TP73: variants seen among roughly 807,000 people sequenced by gnomAD.
TP73 encodes p53-like transcription factor.
Under a neutral mutation model 62.5 loss-of-function variants are expected in TP73, and 25 were observed. The observed-to-expected ratio is 0.40, with a 90% CI of 0.29 to 0.56. TP73 has a LOEUF of 0.56. Among genes scored for constraint, TP73 ranks in the 20% least tolerant of loss-of-function variants. The probability of loss-of-function intolerance (pLI) is 0.46; values close to 1 mark genes in which losing one functional copy is unlikely to be tolerated. For missense variants in TP73, 754 were observed against 913.3 expected, an observed-to-expected ratio of 0.83 and a Z score of 2.25; for synonymous variants, 423 against 377.5, an observed-to-expected ratio of 1.12 and a Z score of -1.40.
intron 3 of TP73, among the ~76,000 whole-genome samples, chr1:3,684,663 A>G (rs1645608285): frequency 6.6e-6 from 1 of 151,996 alleles, no homozygotes; most frequent in South Asian, 2.1e-4. Context: ...GGGGCCAGAG[A>G]AGGCACCTCC....
rs1048556739 is a variant in TP73, at chr1:3,735,864, G to T, written c.*2785G>T. The T allele has an allele frequency of 6.6e-6, 1 of 152,196 alleles. No homozygotes were observed. Among genetic ancestry groups the T allele is most frequent in the African/African-American group, 2.4e-5 (1 of 41,440 alleles). The allele number at this position is 152,196 out of a possible 1,614,324, so 9.4% of individuals were successfully genotyped here. A position where few individuals can be genotyped will look rare whatever the true frequency, so the allele number is the denominator to read the frequency against. ...CCCCATTCCCCCAGCGTTCCCACCA[G>T]GCCTGGGCTGCTGGGAAGCCCTTGC... On this transcript the variant is annotated 3_prime_UTR_variant, in exon 14 of 14. Coordinates refer to ENST00000378295, the MANE Select transcript of TP73 (RefSeq NM_005427.4).
intron 1 of TP73, among the ~76,000 whole-genome samples, chr1:3,669,322 C>T (rs572849478): frequency 6.6e-6 from 1 of 152,312 alleles, no homozygotes; most frequent in South Asian, 2.1e-4. Context: ...ACTGTTCAGG[C>T]CAGGGTGGGG....
At chr1:3,703,677 C>A (rs551259225) in intron 3 of TP73, among the ~76,000 whole-genome samples, 1 of 152,256 alleles carries the variant, frequency 6.6e-6, no homozygotes, top group South Asian at 2.1e-4. Context: ...CCTGCTTCTC[C>A]CAAACAAGGG....
At chr1:3,698,834 A>G (rs1638901770) in intron 3 of TP73, among the ~76,000 whole-genome samples, 1 of 152,318 alleles carries the variant, frequency 6.6e-6, no homozygotes, top group African/African-American at 2.4e-5. Context: ...GGCGCTAAGC[A>G]CAGAGTGGGT....
chr1:3,656,109 G>C (rs1644859710), intron 1 of TP73, among the ~76,000 whole-genome samples: 1 of 151,670 alleles, frequency 6.6e-6, no homozygotes. Flanking sequence ...CCGGAAGGCG[G>C]AGCTTGCAGT....
intron 4 of TP73, among the ~76,000 whole-genome samples, chr1:3,719,255 G>T (rs890013672): frequency 6.6e-6 from 1 of 152,134 alleles, no homozygotes; most frequent in Non-Finnish European, 1.5e-5. Flanking sequence ...GGAGAGACGA[G>T]GGGGACAGAG....
At chr1:3,679,245 G>A (rs1176051491) in intron 1 of TP73, among the ~76,000 whole-genome samples, 1 of 152,172 alleles carries the variant, frequency 6.6e-6, no homozygotes, top group East Asian at 1.9e-4. Flanking sequence ...TGAAAATACA[G>A]CCAACGCCCA....
chr1:3,729,274 C>A (rs1557587395), intron 9 of TP73, 53 bp from the exon 10 acceptor site: 2 of 1,609,296 alleles, frequency 1.2e-6, no homozygotes, highest in African/African-American at 1.3e-5. Flanking sequence ...CGGCCACCCC[C>A]CTCCCGTGGG....
At chr1:3,683,602 T>C (rs533593142) in intron 3 of TP73, among the ~76,000 whole-genome samples, 1 of 152,348 alleles carries the variant, frequency 6.6e-6, no homozygotes, top group Admixed American at 6.5e-5. Context: ...TCTCTTGGTC[T>C]GCTTTCCCCT....
At chr1:3,703,648 C>T (rs958815961) in intron 3 of TP73, among the ~76,000 whole-genome samples, 1 of 152,250 alleles carries the variant, frequency 6.6e-6, no homozygotes, top group Admixed American at 6.5e-5. Context: ...ATATGAAACA[C>T]GTTGTCGTGG....
At position 3,682,242 on chromosome 1, in the gene TP73, C is replaced by A. The variant is rs981163960; in HGVS notation, c.-33-91C>A. Reference sequence around the variant, plus strand: ...CTGCTCCAGGGATGCCCCAGGCAGGCCCACTTGCCTGCCGCCCCCACCGAG... The same window carrying A: ...CTGCTCCAGGGATGCCCCAGGCAGGACCACTTGCCTGCCGCCCCCACCGAG... On this transcript the variant is annotated intron_variant, in intron 1 of 13. Transcript: ENST00000378295. 1.2e-5 allele frequency: 12 copies of A among 991,968 alleles called. No individual in the cohort carries two copies. The African/African-American group carries it at 1.9e-4, about 15-fold the overall frequency. 61.4% of individuals were successfully genotyped at this position (991,968 alleles called of 1,614,324 possible). A position where few individuals can be genotyped will look rare whatever the true frequency, so the allele number is the denominator to read the frequency against.
rs1642302272 is a variant in TP73 at position 3,733,725 on chromosome 1, G to A, written c.*646G>A. The A allele has an allele frequency of 6.5e-6, 1 of 152,750 alleles. No homozygotes were observed. The highest frequency in any genetic ancestry group is 2.4e-5 in the African/African-American group (1 of 41,434). 9.5% of individuals were successfully genotyped at this position (152,750 alleles called of 1,614,324 possible). On this transcript the variant is annotated 3_prime_UTR_variant, in exon 14 of 14. Coordinates refer to ENST00000378295, the MANE Select transcript of TP73 (RefSeq NM_005427.4). ...CAACAACCACAGTGTTGCTGAAATT[G>A]GAGAAAACTGGGGAGGGCGCAACCC... is the stretch of plus-strand genomic sequence containing the variant.
In TP73 at chr1:3,732,845, G is replaced by A. The variant is rs376255652; in HGVS notation, c.1677G>A (p.Gln559=). Residue 559 remains glutamine, a synonymous_variant, in exon 14 of 14, where the codon CAG becomes CAA. Coordinates refer to ENST00000378295, the MANE Select transcript of TP73 (RefSeq NM_005427.4). ...KQGHDYSTAQ[Q]LLRSSNAATI... ...GCCACGACTACAGCACCGCGCAGCA[G>A]CTGCTCCGCTCTAGCAACGCGGCCA... 2.0e-5 allele frequency: 33 copies of A among 1,611,852 alleles called. No homozygotes were observed. The highest frequency in any genetic ancestry group is 2.6e-5 in the Non-Finnish European group (31 of 1,179,646).
rs942189743 is a variant in TP73 at position 3,696,622 on chromosome 1, C to T, written c.187-10927C>T. On this transcript the variant is annotated intron_variant, in intron 3 of 13. Coordinates refer to ENST00000378295, the MANE Select transcript of TP73 (RefSeq NM_005427.4). The surrounding 1 kb of genome is among the most constrained non-coding windows in gnomAD (Gnocchi z 4.1). Reference sequence around the variant, plus strand: ...GCTGGCTGGGAGAACAGAAAAGGGACTGGGGCTTGGCAACCCAGAGGCTGC... The same window carrying T: ...GCTGGCTGGGAGAACAGAAAAGGGATTGGGGCTTGGCAACCCAGAGGCTGC... Among the ~76,000 whole-genome samples the T allele has an allele frequency of 6.6e-6, 1 of 152,060 alleles. No individual in the cohort carries two copies. Among genetic ancestry groups the T allele is most frequent in the Non-Finnish European group, 1.5e-5 (1 of 67,980 alleles).
chr1:3,727,589 AGGGTT>A, intron 7 of TP73, 34 bp from the exon 8 acceptor site: 1 of 1,577,092 alleles, frequency 6.3e-7, no homozygotes. Context: ...GAGGGTGGGC[AGGGTT>A]GAGCTCACAA....
At chr1:3,731,818 G>A (rs898718462) in intron 13 of TP73, among the ~76,000 whole-genome samples, 1 of 152,238 alleles carries the variant, frequency 6.6e-6, no homozygotes, top group African/African-American at 2.4e-5. Flanking sequence ...CAGCCAGTGT[G>A]CCTTTGATTT....
chr1:3,660,815 T>C (rs1029836418), intron 1 of TP73, among the ~76,000 whole-genome samples: 3 of 152,228 alleles, frequency 2.0e-5, no homozygotes, highest in Non-Finnish European at 4.4e-5. Flanking sequence ...GTTAACTGTG[T>C]ATGACAGAAA....
At position 3,661,726 on chromosome 1, in the gene TP73, A is replaced by G. The variant is rs1037301466; in HGVS notation, c.-34+9085A>G. The stretch of plus-strand genomic sequence containing the variant: ...ATACACACACATGTATTTTGTGTAT[A>G]TATATATATATATAATATGTATTAC... On this transcript the variant is annotated intron_variant, in intron 1 of 13. Transcript: ENST00000378295. Among the ~76,000 whole-genome samples the G allele has an allele frequency of 9.5e-5, 12 of 125,676 alleles. 1 individual carries two copies. The highest frequency in any genetic ancestry group is 3.0e-4 in the Admixed American group (4 of 13,364). The allele number at this position is 125,676 out of a possible 152,430, so 82.4% of individuals were successfully genotyped here. A position where few individuals can be genotyped will look rare whatever the true frequency, so the allele number is the denominator to read the frequency against.
chr1:3,698,159 GA>G (rs1191870441), intron 3 of TP73: 7 of 982,126 alleles, frequency 7.1e-6, no homozygotes, highest in Non-Finnish European at 8.5e-6. Context: ...CAGGTGGATG[GA>G]TGGGCAGACA....
Sources: gnomAD v4.1 joint callset for allele counts (sites outside exome capture counted in the v4.1 genomes callset) on GRCh38, gnomAD v4.1.1 for gene constraint, Gnocchi (gnomAD v3.1) non-coding constraint, MANE v1.5 for transcripts, NCBI Gene and HGNC (gene_info 2026-07-23, HGNC 2026-07-21) for gene names.